The following PPA2 variants were observed in gnomAD, a reference collection of about 807,000 sequenced individuals.
PPA2 encodes inorganic pyrophosphatase 2, mitochondrial.
In PPA2, 48 loss-of-function variants were observed where a neutral mutation model predicts 49.5. That is an observed-to-expected ratio of 0.97 (90% CI 0.77 to 1.23). PPA2 has a LOEUF of 1.23. PPA2 is among the 50% of genes most tolerant of loss of function. The probability of loss-of-function intolerance (pLI) is 0.00; values close to 1 mark genes in which losing one functional copy is unlikely to be tolerated. For synonymous variants in PPA2, 131 were observed against 139.9 expected (o/e 0.94, Z 0.45); for missense variants, 429 against 410.1 (o/e 1.05, Z -0.40).
chr4:105,424,305 T>C lies in PPA2; in HGVS notation c.546A>G (p.Glu182=). The change falls in exon 7 of 12, where the codon GAA becomes GAG. Residue 182 remains glutamate, a synonymous_variant. Coordinates refer to ENST00000341695, the MANE Select transcript of PPA2 (RefSeq NM_176869.3). ...EIGSKILSCG[E]VIHVKILGIL... ...TTCCAAGGATCTTCACATGAATAACTTCTCCACAAGAAAGAATCTTTAAAG... is the reference window on the plus strand; with the variant it reads ...TTCCAAGGATCTTCACATGAATAACCTCTCCACAAGAAAGAATCTTTAAAG... 1 of 1,596,878 alleles carries C rather than the reference T, an allele frequency of 6.3e-7. No homozygotes were observed. Among genetic ancestry groups the C allele is most frequent in the East Asian group, 2.2e-5 (1 of 44,534 alleles).
chr4:105,446,319 C>G, intron 5 of PPA2, 64 bp downstream of exon 5: 2 of 1,476,224 alleles, frequency 1.4e-6, no homozygotes, highest in East Asian at 4.9e-5. Context: ...CAGTAGTTCA[C>G]AGGATTTATA....
chr4:105,376,694 G>A (rs1733267544), intron 10 of PPA2, among the ~76,000 whole-genome samples: 1 of 152,184 alleles, frequency 6.6e-6, no homozygotes, highest in South Asian at 2.1e-4. Flanking sequence ...AACTGAGCAA[G>A]TGTATAGCTA....
rs34420247 is a variant in PPA2, at chr4:105,370,590, GA to G, written c.976+246del. The G allele has an allele frequency of 0.11, 103,302 of 961,456 alleles. 6,239 individuals are homozygous for G. Among genetic ancestry groups the G allele is most frequent in the East Asian group, 0.43 (3,651 of 8,572 alleles). The allele number at this position is 961,456 out of a possible 1,614,324, so 59.6% of individuals were successfully genotyped here. A position where few individuals can be genotyped will look rare whatever the true frequency, so the allele number is the denominator to read the frequency against. ...GGCTGGAATATCTCAGTACTTCAGC[GA>G]AAAAAAAAGTCACCGTACAATCAAA... is the stretch of plus-strand genomic sequence containing the variant. On this transcript the variant is annotated intron_variant, in intron 11 of 11. Transcript: ENST00000341695.
chr4:105,412,555 G>A (rs1578834090), intron 7 of PPA2, among the ~76,000 whole-genome samples: 2 of 152,070 alleles, frequency 1.3e-5, no homozygotes, highest in South Asian at 4.1e-4. Context: ...AGGCAACCTA[G>A]AGAATGGGAG....
intron 5 of PPA2, among the ~76,000 whole-genome samples, chr4:105,445,305 T>G (rs1276649579): frequency 6.6e-6 from 1 of 152,192 alleles, no homozygotes; most frequent in Non-Finnish European, 1.5e-5. Flanking sequence ...TTCAACCTTT[T>G]GCTGTTGGGT....
At chr4:105,432,029 T>C (rs1723827933) in intron 6 of PPA2, among the ~76,000 whole-genome samples, 1 of 152,232 alleles carries the variant, frequency 6.6e-6, no homozygotes, top group Non-Finnish European at 1.5e-5. Context: ...TACAACACTG[T>C]GAATGTATTA....
Position 105,370,858 on chromosome 4 carries a change from T to C in PPA2, c.955A>G (p.Asn319Asp). ...SLVESVSSSPNKESNEEEQVW... is the reference protein window; with the variant it reads ...SLVESVSSSPDKESNEEEQVW... ...ATACCTTCTTCATTACTTTCTTTAT[T>C]TGGTGAAGATGATACCTGGAAATAA... Residue 319 changes from asparagine (N) to aspartate (D), a missense_variant, in exon 11 of 12, where the codon AAT (asparagine) becomes GAT (aspartate). Transcript: ENST00000341695. 1 of 1,471,566 alleles carries C rather than the reference T, an allele frequency of 6.8e-7. No homozygotes were observed. Among genetic ancestry groups the C allele is most frequent in the Non-Finnish European group, 9.2e-7 (1 of 1,091,396 alleles). The allele number at this position is 1,471,566 out of a possible 1,614,324, so 91.2% of individuals were successfully genotyped here. A position where few individuals can be genotyped will look rare whatever the true frequency, so the allele number is the denominator to read the frequency against.
intron 7 of PPA2, among the ~76,000 whole-genome samples, chr4:105,406,303 T>C (rs1722474749): frequency 6.6e-6 from 1 of 151,990 alleles, no homozygotes; most frequent in African/African-American, 2.4e-5. Flanking sequence ...TGGAAGCGTG[T>C]TAGTGATTGT....
chr4:105,460,858 C>CATATATATATATAT (rs746079683), intron 1 of PPA2, among the ~76,000 whole-genome samples: 1 of 144,938 alleles, frequency 6.9e-6, no homozygotes, highest in African/African-American at 2.8e-5. Flanking sequence ...TGTAAGATCA[C>CATATATATATATAT]ATATATATAT....
intron 6 of PPA2, among the ~76,000 whole-genome samples, chr4:105,436,824 G>C (rs1724082728): frequency 6.6e-6 from 1 of 152,052 alleles, no homozygotes; most frequent in African/African-American, 2.4e-5. Context: ...ATTAACTCAA[G>C]ATGGATTAAA....
At chr4:105,467,503 T>C (rs1723353917) in intron 1 of PPA2, among the ~76,000 whole-genome samples, 1 of 152,178 alleles carries the variant, frequency 6.6e-6, no homozygotes, top group Non-Finnish European at 1.5e-5. Flanking sequence ...AAAAAATTTT[T>C]TGAGTGAAAT....
At chr4:105,453,690 A>G in intron 2 of PPA2, 48 bp from the exon 3 acceptor site, 3 of 1,387,016 alleles carry the variant, frequency 2.2e-6, no homozygotes, top group Non-Finnish European at 3.0e-6. Context: ...ATGAAAGTAT[A>G]CAGTGGCACT....
intron 4 of PPA2, among the ~76,000 whole-genome samples, chr4:105,448,871 TATAA>T (rs1175541576): frequency 6.6e-6 from 1 of 152,134 alleles, no homozygotes; most frequent in East Asian, 1.9e-4. Flanking sequence ...AAAAACTCTC[TATAA>T]AACTATAACG....
intron 7 of PPA2, among the ~76,000 whole-genome samples, chr4:105,414,239 G>A (rs937235250): frequency 6.6e-6 from 1 of 152,154 alleles, no homozygotes; most frequent in Non-Finnish European, 1.5e-5. Context: ...ACTGCAAAAG[G>A]CAATTTGATA....
chr4:105,460,151 G>T (rs1723025496), intron 1 of PPA2, among the ~76,000 whole-genome samples: 1 of 152,202 alleles, frequency 6.6e-6, no homozygotes, highest in Admixed American at 6.5e-5. Context: ...AACAATCGCA[G>T]ATCGAAAATA....
intron 1 of PPA2, among the ~76,000 whole-genome samples, chr4:105,467,776 T>C (rs953879947): frequency 1.3e-5 from 2 of 150,514 alleles, no homozygotes; most frequent in African/African-American, 5.0e-5. Context: ...GAGTAAAAGG[T>C]GACAAGAAGA....
intron 1 of PPA2, chr4:105,473,431 T>C (rs770680992): frequency 1.1e-5 from 4 of 377,210 alleles, no homozygotes; most frequent in South Asian, 6.0e-5. Flanking sequence ...TCCGCCTGCC[T>C]CTCCGACGTC....
chr4:105,416,017 C>T (rs1345582161), intron 7 of PPA2, among the ~76,000 whole-genome samples: 62 of 152,078 alleles, frequency 4.1e-4, no homozygotes, highest in Admixed American at 4.1e-3. Flanking sequence ...AAAATTGTTA[C>T]CAATTATTCT....
chr4:105,391,834 C>T (rs959612363), intron 9 of PPA2, among the ~76,000 whole-genome samples: 1 of 151,696 alleles, frequency 6.6e-6, no homozygotes, highest in African/African-American at 2.4e-5. Flanking sequence ...ATAATTCTGG[C>T]AGTATTGTAT....
Sources: gnomAD v4.1 joint callset for allele counts (sites outside exome capture counted in the v4.1 genomes callset) on GRCh38, gnomAD v4.1.1 for gene constraint, MANE v1.5 for transcripts, NCBI Gene and HGNC (gene_info 2026-07-23, HGNC 2026-07-21) for gene names.